WHR1: variants seen among roughly 807,000 people sequenced by gnomAD.
The protein encoded by WHR1 is winged helix repair factor 1, also known as MHC class III HLA-RP1.
At chr6:31,977,178 C>CT in the WHR1 span, among the ~76,000 whole-genome samples, 51 of 147,088 alleles carry the variant, frequency 3.5e-4, no homozygotes, top group Middle Eastern at 3.5e-3. Flanking sequence ...GTTCCAATTA[C>CT]TTTTTTTTTT....
At chr6:31,971,341 TC>T in the WHR1 span, 1 of 1,545,762 alleles carries the variant, frequency 6.5e-7, no homozygotes, top group Non-Finnish European at 8.7e-7. The surrounding 1 kb of genome is among the most constrained non-coding windows in gnomAD (Gnocchi z 4.5). Context: ...GCCTCGGTGT[TC>T]CAGGAGCCAG....
chr6:31,972,052 C>T, the WHR1 span: 1 of 1,610,338 alleles, frequency 6.2e-7, no homozygotes. The surrounding 1 kb of genome is among the most constrained non-coding windows in gnomAD (Gnocchi z 6.3). Context: ...CAGTGGCGGG[C>T]AAACCCCTCC....
the WHR1 span, chr6:31,971,700 CAG>C: frequency 5.7e-6 from 9 of 1,583,140 alleles, no homozygotes; most frequent in Non-Finnish European, 7.7e-6. This position sits in a 1 kb window ranked among gnomAD's most constrained non-coding sequence, Gnocchi z 4.5. Flanking sequence ...AGCAGGGGTA[CAG>C]AGTTTCCATT....
At chr6:31,975,170 A>G in the WHR1 span, among the ~76,000 whole-genome samples, 1 of 150,396 alleles carries the variant, frequency 6.6e-6, no homozygotes, top group Admixed American at 6.6e-5. Flanking sequence ...CTGGGAGGTG[A>G]CTGCTGTGGT....
At chr6:31,972,403 T>A in the WHR1 span, 1 of 1,612,856 alleles carries the variant, frequency 6.2e-7, no homozygotes, top group Non-Finnish European at 8.5e-7. The surrounding 1 kb of genome is among the most constrained non-coding windows in gnomAD (Gnocchi z 6.3). Context: ...TACCATAAAA[T>A]CCCGGGATAT....
chr6:31,981,061 A>G, the WHR1 span: 3 of 468,258 alleles, frequency 6.4e-6, no homozygotes, highest in Non-Finnish European at 1.1e-5. Context: ...GATTCTGCTC[A>G]TCATTGCTCA....
the WHR1 span, chr6:31,973,032 CAT>C: frequency 1.5e-6 from 1 of 684,842 alleles, no homozygotes; most frequent in Non-Finnish European, 2.7e-6. Flanking sequence ...GACGTCAGAT[CAT>C]GACAGGCCTT....
At chr6:31,972,307 A>C in the WHR1 span, 1 of 1,613,062 alleles carries the variant, frequency 6.2e-7, no homozygotes, top group South Asian at 1.1e-5. This position sits in a 1 kb window ranked among gnomAD's most constrained non-coding sequence, Gnocchi z 6.3. Flanking sequence ...TCTAGGAGGG[A>C]CGCCCGGGGA....
the WHR1 span, among the ~76,000 whole-genome samples, chr6:31,976,251 C>G: frequency 6.7e-6 from 1 of 149,290 alleles, no homozygotes; most frequent in African/African-American, 2.5e-5. Flanking sequence ...GGTGGCTGGC[C>G]GGGCAGGGGG....
At chr6:31,977,329 G>A in the WHR1 span, among the ~76,000 whole-genome samples, 1 of 146,382 alleles carries the variant, frequency 6.8e-6, no homozygotes, top group Non-Finnish European at 1.5e-5. Context: ...CTGACACCAC[G>A]CCCAGCTAAT....
chr6:31,973,951 G>A, the WHR1 span, among the ~76,000 whole-genome samples: 1 of 152,126 alleles, frequency 6.6e-6, no homozygotes, highest in Non-Finnish European at 1.5e-5. Context: ...AGAAGAAGAG[G>A]AATCTGTGAC....
At chr6:31,979,935 C>T in the WHR1 span, 1 of 204,340 alleles carries the variant, frequency 4.9e-6, no homozygotes, top group African/African-American at 2.3e-5. Context: ...AACAACTGGG[C>T]AGGAGCTAAA....
chr6:31,974,716 C>T, the WHR1 span, among the ~76,000 whole-genome samples: 9 of 152,156 alleles, frequency 5.9e-5, no homozygotes, highest in South Asian at 4.1e-4. Flanking sequence ...TATGATTGCA[C>T]GACTGCACTC....
At chr6:31,972,442 G>C in the WHR1 span, 1 of 1,613,082 alleles carries the variant, frequency 6.2e-7, no homozygotes, top group Non-Finnish European at 8.5e-7. The surrounding 1 kb of genome is among the most constrained non-coding windows in gnomAD (Gnocchi z 6.3). Context: ...CCTGATCCCG[G>C]AGACCTTTGG....
the WHR1 span, chr6:31,973,227 G>GGAA: frequency 2.9e-5 from 10 of 347,978 alleles, no homozygotes; most frequent in Admixed American, 3.6e-4. Flanking sequence ...AGGAGAGTGA[G>GGAA]GAAGAGGGAG....
the WHR1 span, chr6:31,972,189 G>A: frequency 3.1e-6 from 5 of 1,611,744 alleles, no homozygotes; most frequent in Admixed American, 1.7e-5. The surrounding 1 kb of genome is among the most constrained non-coding windows in gnomAD (Gnocchi z 6.3). Flanking sequence ...CGGCCGGCGT[G>A]GGGCCCGGCC....
At chr6:31,974,506 C>A in the WHR1 span, among the ~76,000 whole-genome samples, 1 of 152,132 alleles carries the variant, frequency 6.6e-6, no homozygotes, top group East Asian at 1.9e-4. Context: ...TAGCTTGAAA[C>A]CAAAAGTTTG....
At chr6:31,977,214 C>T in the WHR1 span, among the ~76,000 whole-genome samples, 2 of 152,092 alleles carry the variant, frequency 1.3e-5, no homozygotes, top group Admixed American at 1.3e-4. Context: ...ACCCTGTCAC[C>T]AAGCTGGAGT....
At chr6:31,980,816 G>C in the WHR1 span, 2 of 1,508,526 alleles carry the variant, frequency 1.3e-6, no homozygotes, top group Middle Eastern at 4.4e-4. Context: ...GTCTTTCCCT[G>C]GCCTCTGGCA....
Sources: allele counts gnomAD v4.1 joint callset (sites outside exome capture counted in the v4.1 genomes callset), GRCh38; gene constraint gnomAD v4.1.1; non-coding constraint Gnocchi (gnomAD v3.1); transcripts MANE v1.5; gene names NCBI Gene and HGNC (gene_info 2026-07-23, HGNC 2026-07-21).